Variants in MAP4K3 observed in about 807,000 individuals in gnomAD.
MAP4K3 encodes mitogen-activated protein kinase kinase kinase kinase 3, also known as MAPK/ERK kinase kinase kinase 3.
A neutral mutation model predicts 143.5 loss-of-function variants in MAP4K3; 94 were observed. The observed-to-expected ratio is 0.65, with a 90% CI of 0.55 to 0.78. The LOEUF is 0.78. Among genes scored for constraint, MAP4K3 ranks in the 30% least tolerant of loss-of-function variants. MAP4K3 has a pLI of 0.00. For synonymous variants in MAP4K3, 416 were observed against 347.2 expected, an observed-to-expected ratio of 1.20 and a Z score of -2.20; for missense variants, 1,077 against 1,068.1, an observed-to-expected ratio of 1.01 and a Z score of -0.12.
At chr2:39,334,516 G>T (rs963242338) in intron 6 of MAP4K3, among the ~76,000 whole-genome samples, 5 of 152,164 alleles carry the variant, frequency 3.3e-5, no homozygotes, top group Non-Finnish European at 4.4e-5. Context: ...TGATACTACT[G>T]TAGCTCTGTG....
intron 26 of MAP4K3, among the ~76,000 whole-genome samples, chr2:39,269,485 T>TTG (rs987183889): frequency 2.7e-5 from 4 of 145,550 alleles, no homozygotes; most frequent in African/African-American, 1.0e-4. Context: ...TTTTTTTTTT[T>TTG]TTTTTTGGAG....
chr2:39,285,160 G>T (rs1035979151), intron 21 of MAP4K3, among the ~76,000 whole-genome samples: 3 of 152,076 alleles, frequency 2.0e-5, no homozygotes, highest in African/African-American at 7.2e-5. Flanking sequence ...TGAAAGCACT[G>T]GGATTACAGA....
At chr2:39,402,173 T>C (rs1047637339) in intron 1 of MAP4K3, among the ~76,000 whole-genome samples, 3 of 151,954 alleles carry the variant, frequency 2.0e-5, no homozygotes, top group African/African-American at 7.3e-5. Flanking sequence ...CTACAATGGA[T>C]AGAATAAGAG....
chr2:39,428,972 G>C (rs1665191839), intron 1 of MAP4K3, among the ~76,000 whole-genome samples: 1 of 144,836 alleles, frequency 6.9e-6, no homozygotes, highest in Non-Finnish European at 1.5e-5. Flanking sequence ...GGAGGCTGAG[G>C]CAGAATTGCT....
intron 26 of MAP4K3, among the ~76,000 whole-genome samples, chr2:39,268,563 C>T (rs1277374601): frequency 6.6e-6 from 1 of 151,360 alleles, no homozygotes; most frequent in Non-Finnish European, 1.5e-5. Context: ...TCAGGTGATC[C>T]GTCCGCCTCG....
chr2:39,359,265 C>G (rs975159754), intron 2 of MAP4K3, among the ~76,000 whole-genome samples: 2 of 151,728 alleles, frequency 1.3e-5, no homozygotes, highest in Non-Finnish European at 2.9e-5. Context: ...TAATGACTAC[C>G]AACAGGGTAG....
chr2:39,306,283 G>A (rs1682704610), intron 15 of MAP4K3, among the ~76,000 whole-genome samples: 1 of 152,172 alleles, frequency 6.6e-6, no homozygotes, highest in African/African-American at 2.4e-5. Flanking sequence ...GCCTACGTGT[G>A]TAATTCTGAA....
intron 1 of MAP4K3, among the ~76,000 whole-genome samples, chr2:39,413,927 A>G (rs1038712751): frequency 1.1e-4 from 16 of 152,164 alleles, no homozygotes; most frequent in Non-Finnish European, 2.2e-4. Flanking sequence ...TTTCCTCCTC[A>G]TATCAATATC....
Position 39,265,650 on chromosome 2 carries a change from G to T in MAP4K3, c.2033-344C>A, listed in dbSNP as rs114959607. Among the ~76,000 whole-genome samples, 706 of 152,260 alleles carry T rather than the reference G, an allele frequency of 4.6e-3. 11 individuals are homozygous for T. Among genetic ancestry groups the T allele is most frequent in the African/African-American group, 0.016 (674 of 41,542 alleles). On this transcript the variant is annotated intron_variant, in intron 27 of 33. Coordinates refer to ENST00000263881, the MANE Select transcript of MAP4K3 (RefSeq NM_003618.4). The stretch of plus-strand genomic sequence containing the variant: ...TGATAAAAGGGTCAAAGTAAATTTG[G>T]GAAGAAGTTGTCAGACTCCTAAGAT...
chr2:39,384,526 A>G (rs1666441697), intron 1 of MAP4K3, among the ~76,000 whole-genome samples: 1 of 152,248 alleles, frequency 6.6e-6, no homozygotes, highest in Non-Finnish European at 1.5e-5. Context: ...AGCCTGGGTA[A>G]CAAGAGCAAA....
At chr2:39,309,189 T>C (rs963998958) in intron 14 of MAP4K3, among the ~76,000 whole-genome samples, 4 of 152,168 alleles carry the variant, frequency 2.6e-5, no homozygotes, top group African/African-American at 7.2e-5. Context: ...AGTAGTGCTA[T>C]CATAGCTCAC....
chr2:39,337,939 T>C (rs1489412386), intron 4 of MAP4K3, among the ~76,000 whole-genome samples: 1 of 151,904 alleles, frequency 6.6e-6, no homozygotes. Flanking sequence ...TATTTTTCAT[T>C]TTTTGCAGAG....
At chr2:39,266,066 G>T (rs1344892648) in intron 27 of MAP4K3, among the ~76,000 whole-genome samples, 1 of 152,174 alleles carries the variant, frequency 6.6e-6, no homozygotes, top group Non-Finnish European at 1.5e-5. Context: ...AGAAAACAGA[G>T]AAGTCTATAT....
At chr2:39,272,878 G>C (rs1165060035) in intron 24 of MAP4K3, among the ~76,000 whole-genome samples, 2 of 152,064 alleles carry the variant, frequency 1.3e-5, no homozygotes, top group East Asian at 3.9e-4. Context: ...TTCTGGGGTT[G>C]AATAAGATTC....
intron 20 of MAP4K3, among the ~76,000 whole-genome samples, chr2:39,287,491 T>C (rs6739838): frequency 0.89 from 135,606 of 151,870 alleles, 60,691 homozygotes; most frequent in Non-Finnish European, 0.92. Flanking sequence ...TTAGTAGAGA[T>C]GGAGTTTCAC....
intron 2 of MAP4K3, among the ~76,000 whole-genome samples, chr2:39,376,344 T>C (rs1334620172): frequency 5.3e-5 from 8 of 152,242 alleles, no homozygotes; most frequent in Non-Finnish European, 5.9e-5. Flanking sequence ...TAACCTTTGT[T>C]TTCTCTGGGT....
At chr2:39,321,483 A>T (rs956928499) in intron 12 of MAP4K3, among the ~76,000 whole-genome samples, 1 of 152,208 alleles carries the variant, frequency 6.6e-6, no homozygotes, top group African/African-American at 2.4e-5. Flanking sequence ...CCGCCTAGGA[A>T]AGCCAGGTAT....
chr2:39,387,693 T>C (rs912732246), intron 1 of MAP4K3, among the ~76,000 whole-genome samples: 15 of 152,110 alleles, frequency 9.9e-5, no homozygotes, highest in African/African-American at 3.4e-4. Flanking sequence ...ACCCAACAGA[T>C]GGACAGAAAA....
Position 39,264,039 on chromosome 2 carries a change from G to T in MAP4K3, c.2136+1164C>A, listed in dbSNP as rs187923662. The stretch of plus-strand genomic sequence containing the variant: ...ATGAAACATTTTCATTTTGATAGAG[G>T]TTAGGAATGAAAATAATAGGAGGGA... On this transcript the variant is annotated intron_variant, in intron 28 of 33. Transcript: ENST00000263881. 2.7e-3 allele frequency among the ~76,000 whole-genome samples: 418 copies of T among 152,252 alleles called. 3 individuals are homozygous for T. The highest frequency in any genetic ancestry group is 6.8e-3 in the Middle Eastern group (2 of 294).
Sources: allele counts gnomAD v4.1 joint callset (sites outside exome capture counted in the v4.1 genomes callset), GRCh38; gene constraint gnomAD v4.1.1; transcripts MANE v1.5; gene names NCBI Gene and HGNC (gene_info 2026-07-23, HGNC 2026-07-21).